The following SDHA variants were observed in gnomAD, a reference collection of about 807,000 sequenced individuals.
SDHA encodes succinate dehydrogenase complex flavoprotein subunit A.
SDHA carries 48 observed loss-of-function variants against 78.4 expected under a neutral mutation model. The ratio of observed to expected loss-of-function variants is 0.61; its 90% confidence interval spans 0.49 to 0.78. The LOEUF is 0.78. Among genes scored for constraint, SDHA ranks in the 30% least tolerant of loss-of-function variants. The pLI is 0.00. For synonymous variants in SDHA, 326 were observed against 353.9 expected, an observed-to-expected ratio of 0.92 and a Z score of 0.88; for missense variants, 680 against 892.7, an observed-to-expected ratio of 0.76 and a Z score of 3.04.
intron 10 of SDHA, among the ~76,000 whole-genome samples, chr5:236,951 G>T (rs372030190): frequency 6.8e-6 from 1 of 146,480 alleles, no homozygotes; most frequent in East Asian, 1.9e-4. Flanking sequence ...ACCCAGCCAG[G>T]TTACAAAGCC....
chr5:266,018 G>C, the SDHA span, among the ~76,000 whole-genome samples: 1 of 94,668 alleles, frequency 1.1e-5, no homozygotes, highest in Non-Finnish European at 1.9e-5. Flanking sequence ...CCCCACCCCA[G>C]ACCTTCCGAT....
chr5:225,768 A>G, intron 4 of SDHA, 115 bp from the exon 5 acceptor site: 13 of 1,440,208 alleles, frequency 9.0e-6, no homozygotes, highest in Non-Finnish European at 1.2e-5. Flanking sequence ...CATTTTCATA[A>G]AATAGGTTAC....
Position 218,327 on chromosome 5 carries a change from G to A in SDHA, c.-29G>A, listed in dbSNP as rs1302541839. 4 of 1,447,642 alleles carry A rather than the reference G, an allele frequency of 2.8e-6. No individual in the cohort carries two copies. Among genetic ancestry groups the A allele is most frequent in the Non-Finnish European group, 3.6e-6 (4 of 1,108,770 alleles). 89.7% of individuals were successfully genotyped at this position (1,447,642 alleles called of 1,614,324 possible). On this transcript the variant is annotated 5_prime_UTR_variant, in exon 1 of 15. Transcript: ENST00000264932. ...CGCAGGCGCAGTCTGCGCAGGGACT[G>A]GCGGGACTGCGCGGCGGCAACAGCA...
intron 1 of SDHA, among the ~76,000 whole-genome samples, chr5:223,172 C>T (rs949697670): frequency 2.3e-4 from 35 of 152,220 alleles, no homozygotes; most frequent in African/African-American, 7.2e-4. Context: ...TACATTAAGA[C>T]TTCACAGAGG....
At chr5:221,661 G>C (rs376796892) in intron 1 of SDHA, among the ~76,000 whole-genome samples, 1 of 151,814 alleles carries the variant, frequency 6.6e-6, no homozygotes, top group East Asian at 1.9e-4. Context: ...ATGTTTGATA[G>C]TTTCTCCTAA....
intron 6 of SDHA, 39 bp from the exon 7 acceptor site, chr5:230,837 G>T (rs368794132): frequency 8.7e-6 from 14 of 1,612,974 alleles, no homozygotes; most frequent in Non-Finnish European, 1.2e-5. Flanking sequence ...GTCCAGATGT[G>T]GGCCGCTGTG....
intron 11 of SDHA, chr5:250,105 G>A (rs1322008791): frequency 6.6e-6 from 1 of 152,206 alleles, no homozygotes; most frequent in Non-Finnish European, 1.5e-5. Flanking sequence ...TGTAATACTA[G>A]ATTCTGAGAT....
At chr5:225,393 T>C (rs1216503460) in intron 3 of SDHA, 26 bp from the exon 4 acceptor site, 3 of 1,611,838 alleles carry the variant, frequency 1.9e-6, no homozygotes, top group Non-Finnish European at 2.5e-6. Flanking sequence ...TGTTTGTGGC[T>C]TGTAAGGAGT....
At chr5:258,283 G>C (rs1311342904), downstream of SDHA, among the ~76,000 whole-genome samples, 3 of 127,968 alleles carry the variant, frequency 2.3e-5, no homozygotes, top group East Asian at 6.2e-4. Context: ...GCATTACTAT[G>C]TGAGCTCCGC....
chr5:235,488 C>T, intron 9 of SDHA, 149 bp downstream of exon 9: 2 of 810,174 alleles, frequency 2.5e-6, no homozygotes, highest in South Asian at 3.0e-5. Flanking sequence ...CTTTAAATTT[C>T]TATTACCGGA....
downstream of SDHA, among the ~76,000 whole-genome samples, chr5:258,468 G>A (rs191763027): frequency 9.4e-5 from 10 of 105,826 alleles, no homozygotes; most frequent in East Asian, 1.7e-3. Context: ...GAGCATTACC[G>A]TGTGAGCTCC....
chr5:230,891 C>A lies in SDHA; in HGVS notation c.786C>A (p.Thr262=), dbSNP rs1560992315. 1.2e-6 allele frequency: 2 copies of A among 1,613,930 alleles called. No homozygotes were observed. The highest frequency in any genetic ancestry group is 1.7e-6 in the Non-Finnish European group (2 of 1,179,970). The change falls in exon 7 of 15, where the codon ACC becomes ACA. Residue 262 remains threonine (T), a synonymous_variant. Coordinates refer to ENST00000264932, the MANE Select transcript of SDHA (RefSeq NM_004168.4). ...TVVATGGYGR[T]YFSCTSAHTS... ...TTGTTTCCAGAGGCTACGGGCGCAC[C>A]TACTTCAGCTGCACGTCTGCCCACA...
chr5:262,319 TCAGAG>T, the SDHA span, among the ~76,000 whole-genome samples: 24 of 54,650 alleles, frequency 4.4e-4, 3 homozygotes, highest in Middle Eastern at 9.1e-3. Context: ...CCGCCTCCCG[TCAGAG>T]CATTACCGTG....
chr5:248,459 C>G (rs916252991), intron 11 of SDHA, among the ~76,000 whole-genome samples: 1 of 152,226 alleles, frequency 6.6e-6, no homozygotes, highest in Non-Finnish European at 1.5e-5. Context: ...AGTATTCCTT[C>G]AACAAGGGCT....
intron 10 of SDHA, among the ~76,000 whole-genome samples, chr5:237,047 G>A (rs1326867050): frequency 7.2e-6 from 1 of 139,368 alleles, no homozygotes; most frequent in African/African-American, 3.2e-5. Flanking sequence ...GAGAAATCCA[G>A]AAATTATATG....
intron 7 of SDHA, among the ~76,000 whole-genome samples, chr5:232,211 T>G (rs1487153924): frequency 6.6e-6 from 1 of 151,362 alleles, no homozygotes. Flanking sequence ...GTTGTAGTGT[T>G]TTTTTTTTAT....
the SDHA span, among the ~76,000 whole-genome samples, chr5:264,387 T>C: frequency 2.6e-5 from 4 of 151,994 alleles, no homozygotes; most frequent in East Asian, 7.7e-4. Context: ...AAGCGGGAGG[T>C]AAGACAGGAA....
At chr5:265,423 A>AACCG in the SDHA span, among the ~76,000 whole-genome samples, 2 of 152,154 alleles carry the variant, frequency 1.3e-5, no homozygotes, top group Non-Finnish European at 2.9e-5. Flanking sequence ...CCAACCAACC[A>AACCG]AACACATGTA....
At chr5:266,864 C>T in the SDHA span, among the ~76,000 whole-genome samples, 380 of 136,024 alleles carry the variant, frequency 2.8e-3, 14 homozygotes, top group Middle Eastern at 4.1e-3. Context: ...GTGCAGTAGA[C>T]ACGGTGGCCG....
Sources: allele counts gnomAD v4.1 joint callset (sites outside exome capture counted in the v4.1 genomes callset), GRCh38; gene constraint gnomAD v4.1.1; transcripts MANE v1.5; gene names NCBI Gene and HGNC (gene_info 2026-07-23, HGNC 2026-07-21).